The following DENND4A variants were observed in gnomAD, a reference collection of about 807,000 sequenced individuals.
DENND4A encodes the protein C-myc promoter-binding protein.
A neutral mutation model predicts 199.3 loss-of-function variants in DENND4A; 70 were observed. The observed-to-expected ratio is 0.35, with a 90% CI of 0.29 to 0.43. The LOEUF (loss-of-function observed/expected upper bound fraction) is 0.43. Among genes scored for constraint, DENND4A ranks in the 20% least tolerant of loss-of-function variants. The probability of loss-of-function intolerance (pLI) is 1.00; values close to 1 mark genes in which losing one functional copy is unlikely to be tolerated. For missense variants in DENND4A, 1,723 were observed against 2,255.8 expected (o/e 0.76, Z 4.78); for synonymous variants, 686 against 766.9 (o/e 0.89, Z 1.74).
At chr15:65,746,100 C>T (rs2076381477) in intron 4 of DENND4A, among the ~76,000 whole-genome samples, 2 of 150,834 alleles carry the variant, frequency 1.3e-5, no homozygotes, top group East Asian at 2.0e-4. Context: ...GAGATCATAC[C>T]ATCGCACTCC....
chr15:65,766,416 G>A (rs2076988066), intron 1 of DENND4A: 1 of 152,182 alleles, frequency 6.6e-6, no homozygotes, highest in South Asian at 2.1e-4. Context: ...GAACAACACT[G>A]ATTTGAACTG....
chr15:65,663,950 C>A (rs909738875), intron 32 of DENND4A, among the ~76,000 whole-genome samples: 9 of 152,150 alleles, frequency 5.9e-5, no homozygotes, highest in Admixed American at 1.3e-4. Flanking sequence ...CCGCACCCGG[C>A]TCCTTTCAAT....
rs763320337 is a variant in DENND4A at position 65,667,965 on chromosome 15, A to G, written c.4946T>C (p.Ile1649Thr). The change falls in exon 28 of 33, where the codon ATT becomes ACT. Residue 1649 changes from isoleucine to threonine, a missense_variant. Around this residue, in one of 6 missense-constraint regions of DENND4A, gnomAD observed 141 missense variants for 170.7 expected, o/e 0.83. Transcript: ENST00000443035. ...DKEDTGRQKL[I>T]STGSLPATLQ... is the part of the protein sequence containing the mutation. ...AGTAGCTGGCAGGCTGCCTGTAGAAATGAGCTTCTGTCTTCCAGTATCTTC... is the reference window on the plus strand; with the variant it reads ...AGTAGCTGGCAGGCTGCCTGTAGAAGTGAGCTTCTGTCTTCCAGTATCTTC... 1.3e-5 allele frequency: 21 copies of G among 1,610,488 alleles called. No homozygotes were observed. The South Asian group carries it at 2.1e-4, about 16-fold the overall frequency.
At chr15:65,670,862 T>C (rs1452118341) in intron 25 of DENND4A, among the ~76,000 whole-genome samples, 1 of 152,226 alleles carries the variant, frequency 6.6e-6, no homozygotes, top group African/African-American at 2.4e-5. Flanking sequence ...GTTTTGGCTG[T>C]ATGCAAATTT....
chr15:65,702,470 G>A lies in DENND4A; in HGVS notation c.2265C>T (p.Ser755=), dbSNP rs1218202010. The A allele has an allele frequency of 6.3e-7, 1 of 1,597,004 alleles. No individual in the cohort carries two copies. The highest frequency in any genetic ancestry group is 1.3e-5 in the African/African-American group (1 of 74,674). The change falls in exon 17 of 33, where the codon TCC becomes TCT. Residue 755 remains serine, a synonymous_variant. Coordinates refer to ENST00000443035, the MANE Select transcript of DENND4A (RefSeq NM_001320835.1). ...GACACCTAGACCACATCTGAGGGAT[G>A]GAAGAGTACCTCTTTGCAATTTTAT... is the stretch of plus-strand genomic sequence containing the variant. ...SAHKIAKRYS[S]IPQMWSRCLL...
At chr15:65,719,269 T>C (rs1464471913) in intron 12 of DENND4A, 1 of 152,112 alleles carries the variant, frequency 6.6e-6, no homozygotes, top group Non-Finnish European at 1.5e-5. Flanking sequence ...AGAAGAACTA[T>C]TGCATTTACC....
intron 23 of DENND4A, 30 bp from the exon 24 acceptor site, chr15:65,676,664 T>G (rs1341422003): frequency 6.4e-7 from 1 of 1,554,656 alleles, no homozygotes; most frequent in African/African-American, 1.4e-5. Context: ...CTTAATTTCT[T>G]GTACATTTAA....
intron 5 of DENND4A, among the ~76,000 whole-genome samples, chr15:65,739,109 G>A (rs2076184385): frequency 6.6e-6 from 1 of 152,136 alleles, no homozygotes; most frequent in Admixed American, 6.5e-5. Flanking sequence ...TAAAGGCTAT[G>A]TTAAAGCTAA....
At chr15:65,722,282 T>C (rs959051260) in intron 12 of DENND4A, among the ~76,000 whole-genome samples, 2 of 152,074 alleles carry the variant, frequency 1.3e-5, no homozygotes, top group Non-Finnish European at 2.9e-5. Context: ...CAGGACAACA[T>C]GGTAAGACCC....
chr15:65,731,388 T>TAC lies in DENND4A; in HGVS notation c.1166+252_1166+253dup, dbSNP rs532310844. ...TGTTCTCATCATCTACATACATAAA[T>TAC]ACACACACACACACACTTACACAAT... On this transcript the variant is annotated intron_variant, in intron 9 of 32. Transcript: ENST00000443035. 740 of 500,096 alleles carry TAC rather than the reference T, an allele frequency of 1.5e-3. 2 individuals are homozygous for TAC. Among genetic ancestry groups the TAC allele is most frequent in the East Asian group, 4.0e-3 (79 of 19,800 alleles). The allele number at this position is 500,096 out of a possible 1,614,324, so 31.0% of individuals were successfully genotyped here. A position where few individuals can be genotyped will look rare whatever the true frequency, so the allele number is the denominator to read the frequency against.
At chr15:65,782,818 T>G (rs1261769174) in intron 1 of DENND4A, among the ~76,000 whole-genome samples, 2 of 152,196 alleles carry the variant, frequency 1.3e-5, no homozygotes, top group African/African-American at 4.8e-5. Flanking sequence ...ATCTTAATGC[T>G]CTATCAAAGA....
At chr15:65,717,452 G>A (rs181175943) in intron 13 of DENND4A, among the ~76,000 whole-genome samples, 1 of 152,012 alleles carries the variant, frequency 6.6e-6, no homozygotes, top group African/African-American at 2.4e-5. Context: ...ACCATCTCAG[G>A]GGTTCCTCTT....
intron 23 of DENND4A, among the ~76,000 whole-genome samples, chr15:65,680,097 A>C (rs1284304492): frequency 6.6e-6 from 1 of 152,216 alleles, no homozygotes; most frequent in Non-Finnish European, 1.5e-5. Context: ...GAGGAAAAAC[A>C]ACGCCTAGCC....
At chr15:65,779,272 A>G (rs769338179) in intron 1 of DENND4A, among the ~76,000 whole-genome samples, 1 of 151,944 alleles carries the variant, frequency 6.6e-6, no homozygotes, top group African/African-American at 2.4e-5. Context: ...CTTGGCCAAC[A>G]TGGTGAAACC....
chr15:65,660,230 C>A lies in DENND4A; in HGVS notation c.*1621G>T. The A allele has an allele frequency of 6.8e-7, 1 of 1,460,596 alleles. No homozygotes were observed. Among genetic ancestry groups the A allele is most frequent in the Non-Finnish European group, 9.3e-7 (1 of 1,078,782 alleles). 90.5% of individuals were successfully genotyped at this position (1,460,596 alleles called of 1,614,324 possible). A position where few individuals can be genotyped will look rare whatever the true frequency, so the allele number is the denominator to read the frequency against. On this transcript the variant is annotated 3_prime_UTR_variant, in exon 33 of 33. Transcript: ENST00000443035. ...TTTTTCAAGTAAGCAAGTTCAGCCC[C>A]AAACTAACTGAAGTTTTACATTTTT... is the stretch of plus-strand genomic sequence containing the variant.
chr15:65,762,431 C>T (rs1176821187), intron 1 of DENND4A, among the ~76,000 whole-genome samples: 1 of 152,046 alleles, frequency 6.6e-6, no homozygotes, highest in Admixed American at 6.5e-5. Flanking sequence ...CAAAGCCAGC[C>T]TGGGCAATAT....
intron 23 of DENND4A, among the ~76,000 whole-genome samples, chr15:65,688,683 T>C (rs2076874952): frequency 6.6e-6 from 1 of 152,180 alleles, no homozygotes; most frequent in Admixed American, 6.5e-5. Flanking sequence ...AGAGGCCTCT[T>C]TCTCAGGCTT....
chr15:65,676,575 G>C lies in DENND4A; in HGVS notation c.4239C>G (p.Thr1413=), dbSNP rs1167510653. The part of the protein sequence containing the change: ...SSVGAQDSES[T]SLTDEDVCHE... ...GGCAGACATCTTCATCTGTTAAAGA[G>C]GTAGATTCAGAATCCTGGGCTCCCA... The change falls in exon 24 of 33, where the codon ACC becomes ACG. Residue 1413 remains threonine, a synonymous_variant. Transcript: ENST00000443035. The C allele has an allele frequency of 6.2e-7, 1 of 1,613,370 alleles. No individual in the cohort carries two copies. The highest frequency in any genetic ancestry group is 1.3e-5 in the African/African-American group (1 of 74,878).
rs1365162840 is a variant in DENND4A, at chr15:65,660,562, T to C, written c.*1289A>G. On this transcript the variant is annotated 3_prime_UTR_variant, in exon 33 of 33. Transcript: ENST00000443035. Reference sequence around the variant, plus strand: ...CTAGCAGCCAAAAGATGTTTTTCCTTACCAGAAATTACCCAAAGAAAGTTA... The same window carrying C: ...CTAGCAGCCAAAAGATGTTTTTCCTCACCAGAAATTACCCAAAGAAAGTTA... 2 of 380,340 alleles carry C rather than the reference T, an allele frequency of 5.3e-6. No homozygotes were observed. The highest frequency in any genetic ancestry group is 2.1e-5 in the African/African-American group (1 of 48,352). The allele number at this position is 380,340 out of a possible 1,614,324, so 23.6% of individuals were successfully genotyped here. A position where few individuals can be genotyped will look rare whatever the true frequency, so the allele number is the denominator to read the frequency against.
Sources: allele counts gnomAD v4.1 joint callset (sites outside exome capture counted in the v4.1 genomes callset), GRCh38; gene constraint gnomAD v4.1.1; regional missense constraint gnomAD v4.1.1; transcripts MANE v1.5; gene names NCBI Gene and HGNC (gene_info 2026-07-23, HGNC 2026-07-21).